Variants in BICD1 observed in about 807,000 individuals in gnomAD.
BICD1 encodes the protein protein bicaudal D homolog 1.
In BICD1, 35 loss-of-function variants were observed where a neutral mutation model predicts 92.5. The ratio of observed to expected loss-of-function variants is 0.38; its 90% CI spans 0.29 to 0.50. The LOEUF (loss-of-function observed/expected upper bound fraction) is 0.50. BICD1 is among the 20% of genes least tolerant of loss of function. BICD1 has a pLI of 0.93. For synonymous variants in BICD1, 429 were observed against 465.1 expected (o/e 0.92, Z 1.00); for missense variants, 950 against 1,189.8 (o/e 0.80, Z 2.97).
intron 1 of BICD1, among the ~76,000 whole-genome samples, chr12:32,213,799 C>T (rs888781275): frequency 1.3e-5 from 2 of 152,158 alleles, no homozygotes; most frequent in Non-Finnish European, 1.5e-5. Context: ...CAGGTTTCTC[C>T]ACTGCAAAGT....
chr12:32,364,441 C>A (rs1428420871), intron 8 of BICD1, among the ~76,000 whole-genome samples: 1 of 152,156 alleles, frequency 6.6e-6, no homozygotes, highest in Non-Finnish European at 1.5e-5. Flanking sequence ...AAAGTACATC[C>A]TAAGACACAT....
intron 1 of BICD1, among the ~76,000 whole-genome samples, chr12:32,144,029 G>A (rs926242435): frequency 1.3e-5 from 2 of 152,020 alleles, no homozygotes; most frequent in East Asian, 3.9e-4. Flanking sequence ...CTGGCCCCTA[G>A]TCCTTTATTC....
intron 2 of BICD1, among the ~76,000 whole-genome samples, chr12:32,222,133 AC>A (rs1303418267): frequency 1.3e-5 from 2 of 152,230 alleles, no homozygotes; most frequent in African/African-American, 4.8e-5. Context: ...GTTAGAATTA[AC>A]TGCAATATTT....
At chr12:32,320,999 G>A (rs1447839637) in intron 4 of BICD1, among the ~76,000 whole-genome samples, 1 of 152,132 alleles carries the variant, frequency 6.6e-6, no homozygotes, top group African/African-American at 2.4e-5. Flanking sequence ...GCTTTAAAGT[G>A]CTTTGCATGT....
At chr12:32,182,702 A>T (rs12369070) in intron 1 of BICD1, among the ~76,000 whole-genome samples, 18,815 of 151,718 alleles carry the variant, frequency 0.12, 1,641 homozygotes, top group East Asian at 0.27. Flanking sequence ...ATACTGGCAA[A>T]TACATAATGG....
In BICD1 at chr12:32,159,100, AT is replaced by A. The variant is rs1943526754; in HGVS notation, c.213+51561del. Reference sequence around the variant, plus strand: ...AGTCGCGCACCACCATGCCCAGCTAATTTTTGTATTTTTAATAGAGACGGGG... The same window carrying A: ...AGTCGCGCACCACCATGCCCAGCTAATTTTGTATTTTTAATAGAGACGGGG... On this transcript the variant is annotated intron_variant, in intron 1 of 9. Coordinates refer to ENST00000652176, the MANE Select transcript of BICD1 (RefSeq NM_001714.4). Among the ~76,000 whole-genome samples the A allele has an allele frequency of 2.0e-5, 3 of 151,970 alleles. No individual in the cohort carries two copies. The South Asian group carries it at 6.2e-4, about 32-fold the overall frequency.
chr12:32,219,991 T>G lies in BICD1; in HGVS notation c.426+3532T>G, dbSNP rs568210671. Among the ~76,000 whole-genome samples the G allele has an allele frequency of 3.8e-4, 58 of 151,496 alleles. No homozygotes were observed. The East Asian group carries it at 4.8e-3, about 13-fold the overall frequency. On this transcript the variant is annotated intron_variant, in intron 2 of 9. Transcript: ENST00000652176. ...AAACCTGAGAAAAACAAGCAATGGG[T>G]AAAGGATTCCCTATTTAATAAATGG...
rs930622111 is a variant in BICD1, at chr12:32,378,377, A to G, written c.*750A>G. 2 of 152,254 alleles carry G rather than the reference A, an allele frequency of 1.3e-5. No individual in the cohort carries two copies. Among genetic ancestry groups the G allele is most frequent in the Admixed American group, 6.5e-5 (1 of 15,284 alleles). The allele number at this position is 152,254 out of a possible 1,614,324, so 9.4% of individuals were successfully genotyped here. ...GGACATTACTAAGTAAATCTAAGAA[A>G]GAGACTAAGTTATGATTTATTGACT... On this transcript the variant is annotated 3_prime_UTR_variant, in exon 10 of 10. Transcript: ENST00000652176.
intron 1 of BICD1, among the ~76,000 whole-genome samples, chr12:32,214,997 G>C (rs56086009): frequency 0.046 from 6,989 of 152,244 alleles, 517 homozygotes; most frequent in African/African-American, 0.16. Context: ...GGGAGGCCAA[G>C]GTGGTTGAAT....
chr12:32,270,488 A>G (rs1181331152), intron 2 of BICD1, among the ~76,000 whole-genome samples: 2 of 152,234 alleles, frequency 1.3e-5, no homozygotes, highest in Admixed American at 1.3e-4. Flanking sequence ...GTGAGGTACC[A>G]CTGAAGAATT....
At chr12:32,286,900 C>T (rs1320497476) in intron 2 of BICD1, among the ~76,000 whole-genome samples, 1 of 152,128 alleles carries the variant, frequency 6.6e-6, no homozygotes, top group Middle Eastern at 3.2e-3. Flanking sequence ...AGTAAGTAGC[C>T]AGTTTCAAAT....
intron 9 of BICD1, among the ~76,000 whole-genome samples, chr12:32,369,711 G>A (rs2136334404): frequency 6.6e-6 from 1 of 151,948 alleles, no homozygotes; most frequent in South Asian, 2.1e-4. Context: ...GGGGAACACA[G>A]GGAGACCTCC....
At chr12:32,144,981 G>C (rs1056744679) in intron 1 of BICD1, among the ~76,000 whole-genome samples, 4 of 152,188 alleles carry the variant, frequency 2.6e-5, no homozygotes, top group African/African-American at 9.7e-5. Flanking sequence ...TATCTAGGAA[G>C]GAGTTGGTTC....
chr12:32,290,726 C>T (rs1947703943), intron 2 of BICD1, among the ~76,000 whole-genome samples: 1 of 152,166 alleles, frequency 6.6e-6, no homozygotes, highest in South Asian at 2.1e-4. Flanking sequence ...TCCTGTTAGG[C>T]CAGCTTAGCA....
intron 1 of BICD1, among the ~76,000 whole-genome samples, chr12:32,131,124 C>T (rs971738386): frequency 7.2e-5 from 11 of 152,064 alleles, no homozygotes; most frequent in African/African-American, 2.7e-4. Flanking sequence ...TGTGAGTCAC[C>T]ACGCCAGGCT....
At chr12:32,270,135 A>T (rs1309122614) in intron 2 of BICD1, among the ~76,000 whole-genome samples, 2 of 128,766 alleles carry the variant, frequency 1.6e-5, no homozygotes, top group East Asian at 2.7e-4. Flanking sequence ...AAAAAAAAAA[A>T]ATTATTATTA....
intron 2 of BICD1, among the ~76,000 whole-genome samples, chr12:32,245,584 G>A (rs953860455): frequency 5.3e-5 from 8 of 152,146 alleles, no homozygotes; most frequent in Non-Finnish European, 1.0e-4. Flanking sequence ...TTGAATCATG[G>A]CCCTGACAAG....
chr12:32,278,789 G>C (rs942224981), intron 2 of BICD1, among the ~76,000 whole-genome samples: 1 of 152,198 alleles, frequency 6.6e-6, no homozygotes, highest in East Asian at 1.9e-4. Context: ...CCGGAGGGCG[G>C]AGCTTGCAGT....
At chr12:32,283,220 G>C (rs1947467896) in intron 2 of BICD1, among the ~76,000 whole-genome samples, 1 of 152,182 alleles carries the variant, frequency 6.6e-6, no homozygotes, top group Admixed American at 6.5e-5. Flanking sequence ...AGTATTTACA[G>C]CCTATTAGAA....
Sources: gnomAD v4.1 joint callset for allele counts (sites outside exome capture counted in the v4.1 genomes callset) on GRCh38, gnomAD v4.1.1 for gene constraint, MANE v1.5 for transcripts, NCBI Gene and HGNC (gene_info 2026-07-23, HGNC 2026-07-21) for gene names.